PCCA: variants seen among roughly 807,000 people sequenced by gnomAD.
The protein encoded by PCCA is propionyl-CoA carboxylase alpha chain, mitochondrial.
PCCA carries 74 observed loss-of-function variants against 101.3 expected under a neutral mutation model. That is an observed-to-expected ratio of 0.73 (90% confidence interval 0.61 to 0.89). PCCA has a LOEUF of 0.89. Ranked by LOEUF, PCCA falls within the 40% of genes least tolerant of loss-of-function variation. The pLI is 0.00. For synonymous variants in PCCA, 294 were observed against 313.6 expected (o/e 0.94, Z 0.66); for missense variants, 891 against 907.0 (o/e 0.98, Z 0.23).
At chr13:100,209,823 G>C (rs894396752) in intron 7 of PCCA, among the ~76,000 whole-genome samples, 1 of 152,060 alleles carries the variant, frequency 6.6e-6, no homozygotes, top group African/African-American at 2.4e-5. Flanking sequence ...GTAGAGACAG[G>C]GTTTCACCAT....
chr13:100,315,209 T>A (rs1025194249), intron 16 of PCCA, among the ~76,000 whole-genome samples: 1 of 152,184 alleles, frequency 6.6e-6, no homozygotes, highest in East Asian at 1.9e-4. Context: ...GAAATTTTTT[T>A]AAATTTTGAA....
At chr13:100,266,260 C>G (rs2062928489) in intron 10 of PCCA, among the ~76,000 whole-genome samples, 1 of 152,144 alleles carries the variant, frequency 6.6e-6, no homozygotes, top group African/African-American at 2.4e-5. Context: ...GCAACCAGAC[C>G]ATTGTCTTTG....
intron 7 of PCCA, among the ~76,000 whole-genome samples, chr13:100,225,371 G>A (rs944386842): frequency 3.3e-5 from 5 of 152,162 alleles, no homozygotes; most frequent in Non-Finnish European, 5.9e-5. Context: ...CTAATTGTTC[G>A]TTAAGAGGAA....
At chr13:100,344,660 C>T (rs12874460) in intron 18 of PCCA, among the ~76,000 whole-genome samples, 14,429 of 152,138 alleles carry the variant, frequency 0.095, 845 homozygotes, top group Middle Eastern at 0.21. Context: ...TTTAAATAAA[C>T]GTGGAAAATC....
At chr13:100,262,521 G>C (rs1352856743) in intron 9 of PCCA, among the ~76,000 whole-genome samples, 1 of 152,156 alleles carries the variant, frequency 6.6e-6, no homozygotes, top group African/African-American at 2.4e-5. Flanking sequence ...AAAAGTCACA[G>C]GTCAACCAAA....
intron 6 of PCCA, among the ~76,000 whole-genome samples, chr13:100,171,073 T>G (rs901057210): frequency 3.5e-4 from 54 of 152,194 alleles, no homozygotes; most frequent in African/African-American, 1.3e-3. Context: ...ATGATATATG[T>G]TATCACAGCA....
intron 21 of PCCA, among the ~76,000 whole-genome samples, chr13:100,512,399 G>A (rs1282413351): frequency 6.6e-6 from 1 of 152,198 alleles, no homozygotes; most frequent in Non-Finnish European, 1.5e-5. Context: ...TTACTGTCGT[G>A]TGTGGGTTGA....
intron 21 of PCCA, among the ~76,000 whole-genome samples, chr13:100,454,108 T>C (rs2081543056): frequency 6.6e-6 from 1 of 151,586 alleles, no homozygotes; most frequent in East Asian, 1.9e-4. Flanking sequence ...CCTGACCTCA[T>C]CATGATCCAC....
At chr13:100,129,368 G>C (rs1196102402) in intron 4 of PCCA, among the ~76,000 whole-genome samples, 1 of 152,186 alleles carries the variant, frequency 6.6e-6, no homozygotes, top group Non-Finnish European at 1.5e-5. Flanking sequence ...GATAGCGAAT[G>C]CTTTCTTACT....
At chr13:100,166,735 A>T (rs2055080074) in intron 6 of PCCA, among the ~76,000 whole-genome samples, 1 of 152,234 alleles carries the variant, frequency 6.6e-6, no homozygotes. Context: ...AGGTGCTATG[A>T]ACAAGTAGTT....
At position 100,309,881 on chromosome 13, in the gene PCCA, G is replaced by T; in HGVS notation, c.1402G>T (p.Asp468Tyr). Reference sequence around the variant, plus strand: ...AACTGAGGCACTGAAGAGAATGGCAGATGCACTGGATAACTATGTTATTCG... The same window carrying T: ...AACTGAGGCACTGAAGAGAATGGCATATGCACTGGATAACTATGTTATTCG... ...DRTEALKRMA[D>Y]ALDNYVIRGV... Residue 468 changes from aspartate (D) to tyrosine (Y), a missense_variant, in exon 16 of 24, where the codon GAT becomes TAT. Physicochemically the swap from Asp to Tyr is radical, Grantham distance 160 (BLOSUM62 -3). Transcript: ENST00000376285. 2 of 1,612,890 alleles carry T rather than the reference G, an allele frequency of 1.2e-6. No individual in the cohort carries two copies. The highest frequency in any genetic ancestry group is 1.7e-6 in the Non-Finnish European group (2 of 1,178,966).
chr13:100,152,827 A>T (rs984306430), intron 4 of PCCA, among the ~76,000 whole-genome samples: 2 of 152,134 alleles, frequency 1.3e-5, no homozygotes, highest in African/African-American at 4.8e-5. Flanking sequence ...AAAGGGTGAA[A>T]ATTATATATG....
chr13:100,158,998 A>G (rs929579713), intron 6 of PCCA, among the ~76,000 whole-genome samples: 1 of 149,038 alleles, frequency 6.7e-6, no homozygotes, highest in African/African-American at 2.4e-5. Flanking sequence ...TTATTCCTAT[A>G]CAGTTAATAC....
intron 20 of PCCA, among the ~76,000 whole-genome samples, chr13:100,433,580 A>G (rs2079715384): frequency 6.6e-6 from 1 of 152,058 alleles, no homozygotes; most frequent in South Asian, 2.1e-4. Context: ...ACAGTCTGTA[A>G]TGTTGCTACC....
intron 16 of PCCA, among the ~76,000 whole-genome samples, chr13:100,315,287 TAAAATTTAATTTC>T (rs1401966997): frequency 6.6e-6 from 1 of 152,032 alleles, no homozygotes; most frequent in Non-Finnish European, 1.5e-5. Flanking sequence ...TTAAAAAATT[TAAAATTTAATTTC>T]AAAATAAAAA....
intron 7 of PCCA, among the ~76,000 whole-genome samples, chr13:100,224,641 A>T (rs1440583870): frequency 2.6e-5 from 4 of 152,226 alleles, no homozygotes; most frequent in Non-Finnish European, 5.9e-5. Flanking sequence ...AATTGACTAC[A>T]TTTTGATAAT....
intron 8 of PCCA, among the ~76,000 whole-genome samples, chr13:100,239,522 A>G (rs1335893117): frequency 6.6e-6 from 1 of 152,102 alleles, no homozygotes. Context: ...TTTTTGGACT[A>G]CCTAGTTTCT....
chr13:100,247,021 G>C (rs995082045), intron 8 of PCCA, among the ~76,000 whole-genome samples: 1 of 151,210 alleles, frequency 6.6e-6, no homozygotes, highest in Non-Finnish European at 1.5e-5. Context: ...TGATTCTCCT[G>C]TCTCAGCCTC....
intron 19 of PCCA, among the ~76,000 whole-genome samples, chr13:100,375,171 G>A (rs929368505): frequency 2.0e-5 from 3 of 152,142 alleles, no homozygotes; most frequent in Non-Finnish European, 2.9e-5. Flanking sequence ...ATGTAGTTGT[G>A]CGGTTTCGAA....
Sources: gnomAD v4.1 joint callset for allele counts (sites outside exome capture counted in the v4.1 genomes callset) on GRCh38, gnomAD v4.1.1 for gene constraint, MANE v1.5 for transcripts, NCBI Gene and HGNC (gene_info 2026-07-23, HGNC 2026-07-21) for gene names.